Variants in FRMPD1 observed in about 807,000 individuals in gnomAD.
The protein encoded by FRMPD1 is FERM and PDZ domain-containing protein 1.
A neutral mutation model predicts 117.8 loss-of-function variants in FRMPD1; 76 were observed. The observed-to-expected ratio is 0.65, with a 90% confidence interval of 0.54 to 0.78. FRMPD1 has a LOEUF of 0.78. FRMPD1 is among the 30% of genes least tolerant of loss of function. The pLI is 0.00. For synonymous variants in FRMPD1, 783 were observed against 770.4 expected (o/e 1.02, Z -0.27); for missense variants, 1,786 against 1,964.5 (o/e 0.91, Z 1.72).
the FRMPD1 span, chr9:37,636,721 G>A: frequency 1.3e-6 from 2 of 1,583,614 alleles, no homozygotes; most frequent in South Asian, 1.2e-5. Flanking sequence ...GCTTTACAGG[G>A]GTGCTGTCGA....
rs768044232 is a variant in FRMPD1, at chr9:37,692,668, C to A, written c.27C>A (p.Phe9Leu). ...TGGAAGAGCTGGAGACCAGTTTATT[C>A]CAGACACGGAAAGCACATAGAATAG... is the stretch of plus-strand genomic sequence containing the variant. The part of the protein sequence containing the change: MEELETSL[F>L]QTRKAHRIEQ... Residue 9 changes from phenylalanine to leucine, a missense_variant, in exon 2 of 16, where the codon TTC becomes TTA. Transcript: ENST00000377765. 6 of 1,613,452 alleles carry A rather than the reference C, an allele frequency of 3.7e-6. No individual in the cohort carries two copies. The South Asian group carries it at 4.4e-5, about 12-fold the overall frequency.
At chr9:37,614,784 A>C in the FRMPD1 span, among the ~76,000 whole-genome samples, 59 of 152,344 alleles carry the variant, frequency 3.9e-4, no homozygotes, top group African/African-American at 1.3e-3. Context: ...GCCAAATGAG[A>C]AGTCATATTA....
chr9:37,619,942 C>T, the FRMPD1 span, among the ~76,000 whole-genome samples: 5 of 151,516 alleles, frequency 3.3e-5, no homozygotes, highest in African/African-American at 1.2e-4. Flanking sequence ...CCTGTATTCC[C>T]AGATTCATTT....
chr9:37,699,321 C>CTTTT (rs3076723), intron 2 of FRMPD1, among the ~76,000 whole-genome samples: 93 of 137,962 alleles, frequency 6.7e-4, no homozygotes, highest in South Asian at 2.3e-3. Flanking sequence ...CTGTCTCTCT[C>CTTTT]TTTTTTTTTT....
intron 15 of FRMPD1, among the ~76,000 whole-genome samples, chr9:37,741,561 G>T (rs1373630181): frequency 6.6e-6 from 1 of 152,152 alleles, no homozygotes; most frequent in African/African-American, 2.4e-5. Flanking sequence ...GGAGCTGGGA[G>T]AGCTGCAGCC....
chr9:37,624,230 G>A, the FRMPD1 span, among the ~76,000 whole-genome samples: 2 of 152,314 alleles, frequency 1.3e-5, no homozygotes, highest in Admixed American at 1.3e-4. Context: ...AAAAGAACTA[G>A]CCCTATGTCT....
intron 2 of FRMPD1, among the ~76,000 whole-genome samples, chr9:37,695,862 T>C (rs1254947250): frequency 6.6e-6 from 1 of 152,118 alleles, no homozygotes; most frequent in East Asian, 1.9e-4. Flanking sequence ...GCAGCTATAG[T>C]GGACTTTTCG....
At chr9:37,674,328 C>T (rs1465372650) in intron 1 of FRMPD1, among the ~76,000 whole-genome samples, 1 of 152,158 alleles carries the variant, frequency 6.6e-6, no homozygotes, top group Non-Finnish European at 1.5e-5. Flanking sequence ...CGATAAGTTC[C>T]TCATCTCCGT....
In FRMPD1 at chr9:37,746,280, C is replaced by T. The variant is rs1323069418; in HGVS notation, c.4248C>T (p.Ala1416=). 3 of 1,612,696 alleles carry T rather than the reference C, an allele frequency of 1.9e-6. No individual in the cohort carries two copies. In the African/African-American group the frequency reaches 4.0e-5, roughly 22 times the overall value. Residue 1416 remains alanine, a synonymous_variant, in exon 16 of 16, where the codon GCC becomes GCT. Coordinates refer to ENST00000377765, the MANE Select transcript of FRMPD1 (RefSeq NM_014907.3). ...RALRQLKATP[A]STPEGFIQLM... ...TGAGACAGCTGAAAGCCACCCCTGC[C>T]AGCACCCCTGAGGGCTTCATCCAAC...
the FRMPD1 span, among the ~76,000 whole-genome samples, chr9:37,628,010 C>T: frequency 5.3e-5 from 8 of 152,286 alleles, no homozygotes; most frequent in South Asian, 1.2e-3. Context: ...CTTATAACGG[C>T]ACATTTAAAA....
intron 3 of FRMPD1, 148 bp from the exon 4 acceptor site, chr9:37,708,251 C>T: frequency 1.7e-6 from 1 of 593,292 alleles, no homozygotes; most frequent in East Asian, 2.7e-5. Context: ...AAATTAAGAT[C>T]CACATGAGCC....
At chr9:37,697,948 C>G (rs1216304662) in intron 2 of FRMPD1, among the ~76,000 whole-genome samples, 1 of 152,270 alleles carries the variant, frequency 6.6e-6, no homozygotes, top group Non-Finnish European at 1.5e-5. Flanking sequence ...AACCCCGTCT[C>G]TACTAAAAAT....
intron 2 of FRMPD1, among the ~76,000 whole-genome samples, chr9:37,705,850 G>T (rs1341269381): frequency 4.0e-5 from 6 of 151,730 alleles, no homozygotes; most frequent in Admixed American, 6.6e-5. Context: ...GGTAGCACGA[G>T]CCTGTAGTCC....
intron 6 of FRMPD1, among the ~76,000 whole-genome samples, chr9:37,720,558 A>G (rs1422115972): frequency 6.6e-6 from 1 of 152,154 alleles, no homozygotes; most frequent in African/African-American, 2.4e-5. Flanking sequence ...AGTCCCAGCT[A>G]CTTGGGAGGC....
At chr9:37,683,680 C>A (rs949884571) in intron 1 of FRMPD1, among the ~76,000 whole-genome samples, 8 of 149,370 alleles carry the variant, frequency 5.4e-5, no homozygotes, top group Admixed American at 5.3e-4. Flanking sequence ...ATGAAGTTGG[C>A]GGGTAGGCAG....
intron 1 of FRMPD1, among the ~76,000 whole-genome samples, chr9:37,679,505 A>G (rs896480997): frequency 3.9e-5 from 6 of 152,140 alleles, no homozygotes; most frequent in Non-Finnish European, 8.8e-5. Context: ...GAAGTCTTTT[A>G]CTCTTTCACT....
chr9:37,729,870 G>A lies in FRMPD1; in HGVS notation c.738+17G>A, dbSNP rs753130494. ...ATCCAGCAGGTAGGGAGGACTGACC[G>A]CCTGTTCCTGGGAGGCATGGGCTGG... On this transcript the variant is annotated intron_variant, in intron 8 of 15. Coordinates refer to ENST00000377765, the MANE Select transcript of FRMPD1 (RefSeq NM_014907.3). The A allele has an allele frequency of 1.2e-5, 20 of 1,610,778 alleles. No homozygotes were observed. Among genetic ancestry groups the A allele is most frequent in the Middle Eastern group, 1.6e-4 (1 of 6,068 alleles).
At chr9:37,637,314 C>T in the FRMPD1 span, 7 of 1,125,462 alleles carry the variant, frequency 6.2e-6, no homozygotes, top group African/African-American at 6.1e-5. Flanking sequence ...GAAGCCCGCT[C>T]AGTCGCTCCC....
intron 4 of FRMPD1, among the ~76,000 whole-genome samples, chr9:37,710,030 T>G (rs907795788): frequency 1.3e-5 from 2 of 152,212 alleles, no homozygotes; most frequent in Non-Finnish European, 2.9e-5. Context: ...AAAACCAGCA[T>G]GTATTATTCA....
Sources: gnomAD v4.1 joint callset for allele counts (sites outside exome capture counted in the v4.1 genomes callset) on GRCh38, gnomAD v4.1.1 for gene constraint, MANE v1.5 for transcripts, NCBI Gene and HGNC (gene_info 2026-07-23, HGNC 2026-07-21) for gene names.